Variants in DOCK5 observed in about 807,000 individuals in gnomAD.
DOCK5 encodes the protein dedicator of cytokinesis 5.
In DOCK5, 142 loss-of-function variants were observed where a neutral mutation model predicts 251.8. That is an observed-to-expected ratio of 0.56 (90% CI 0.49 to 0.65). The LOEUF (loss-of-function observed/expected upper bound fraction) is 0.65, where lower values mean the gene tolerates loss of function less well. DOCK5 is among the 30% of genes least tolerant of loss of function. The pLI, the probability that DOCK5 is intolerant of heterozygous loss-of-function variation, is 0.00. For missense variants in DOCK5, 2,111 were observed against 2,312.3 expected (o/e 0.91, Z 1.79); for synonymous variants, 842 against 835.5 (o/e 1.01, Z -0.13).
intron 40 of DOCK5, among the ~76,000 whole-genome samples, chr8:25,388,420 C>T (rs1343734849): frequency 1.3e-5 from 2 of 152,052 alleles, no homozygotes; most frequent in African/African-American, 2.4e-5. Flanking sequence ...TACTCCCATG[C>T]CTGGGGCCTA....
At chr8:25,268,773 G>C (rs1388360330) in intron 2 of DOCK5, 72 bp from the exon 3 acceptor site, 5 of 1,276,722 alleles carry the variant, frequency 3.9e-6, no homozygotes. Context: ...GAACATGAGA[G>C]TATATATTGC....
chr8:25,317,401 A>C (rs2117194475), intron 14 of DOCK5: 1 of 308,004 alleles, frequency 3.2e-6, no homozygotes, highest in South Asian at 6.1e-5. Context: ...CTTCCAATGC[A>C]GATGTTATTT....
intron 34 of DOCK5, among the ~76,000 whole-genome samples, chr8:25,370,074 A>C (rs2117282402): frequency 6.6e-6 from 1 of 152,342 alleles, no homozygotes; most frequent in Middle Eastern, 3.4e-3. Flanking sequence ...TTCTGTCTCC[A>C]GCCAGGTTGG....
At chr8:25,195,836 A>G (rs1801711743) in intron 1 of DOCK5, among the ~76,000 whole-genome samples, 1 of 152,220 alleles carries the variant, frequency 6.6e-6, no homozygotes, top group Non-Finnish European at 1.5e-5. Context: ...TGAGGACACG[A>G]ACTCTTTTTC....
chr8:25,227,777 T>G (rs1802568563), intron 1 of DOCK5, among the ~76,000 whole-genome samples: 1 of 152,244 alleles, frequency 6.6e-6, no homozygotes. Context: ...CTCATCTTTG[T>G]CAAGCAAACT....
At chr8:25,364,863 C>T in intron 30 of DOCK5, 159 bp downstream of exon 30, 2 of 538,660 alleles carry the variant, frequency 3.7e-6, no homozygotes, top group Non-Finnish European at 6.6e-6. Context: ...GTCACACTGT[C>T]CTCCAAACAC....
chr8:25,345,292 C>A, intron 25 of DOCK5, 183 bp from the exon 26 acceptor site: 1 of 543,532 alleles, frequency 1.8e-6, no homozygotes, highest in Non-Finnish European at 3.1e-6. Context: ...GCGCATTGAA[C>A]AAGGGTAAAG....
intron 5 of DOCK5, among the ~76,000 whole-genome samples, chr8:25,281,486 A>G (rs1804191921): frequency 6.7e-6 from 1 of 149,950 alleles, no homozygotes. Context: ...GGACTCATGT[A>G]TTTTGGCTGC....
intron 20 of DOCK5, among the ~76,000 whole-genome samples, chr8:25,333,472 A>G (rs903923068): frequency 5.9e-5 from 9 of 152,220 alleles, no homozygotes; most frequent in African/African-American, 2.2e-4. Context: ...AAAGAGAGAC[A>G]GTGGTTATGG....
At chr8:25,280,866 G>A (rs1266189750) in intron 5 of DOCK5, among the ~76,000 whole-genome samples, 1 of 152,082 alleles carries the variant, frequency 6.6e-6, no homozygotes, top group Non-Finnish European at 1.5e-5. Context: ...GATGTAACAA[G>A]GTTGATGGAT....
chr8:25,273,021 C>A (rs1441869397), intron 3 of DOCK5, among the ~76,000 whole-genome samples: 1 of 152,062 alleles, frequency 6.6e-6, no homozygotes. Flanking sequence ...TTCCCAACAT[C>A]CCAGTTTAGT....
chr8:25,336,052 C>A (rs1805796700), intron 21 of DOCK5, among the ~76,000 whole-genome samples, 187 bp from the exon 22 acceptor site: 1 of 152,188 alleles, frequency 6.6e-6, no homozygotes, highest in Non-Finnish European at 1.5e-5. Context: ...TAGTTCCAAA[C>A]CTAGATGGCA....
chr8:25,395,363 G>A (rs565824895), intron 44 of DOCK5, among the ~76,000 whole-genome samples, 180 bp from the exon 45 acceptor site: 10 of 152,228 alleles, frequency 6.6e-5, no homozygotes, highest in East Asian at 5.8e-4. Context: ...AATAGGCCAC[G>A]GACTGATACT....
chr8:25,248,701 G>A (rs1315960028), intron 2 of DOCK5, among the ~76,000 whole-genome samples: 1 of 152,104 alleles, frequency 6.6e-6, no homozygotes, highest in African/African-American at 2.4e-5. Context: ...ATTTCAGAAA[G>A]TATTGGCTCC....
rs570735009 is a variant in DOCK5, at chr8:25,400,946, A to G, written c.4806A>G (p.Glu1602=). 23 of 1,613,972 alleles carry G rather than the reference A, an allele frequency of 1.4e-5. No individual in the cohort carries two copies. In the South Asian group the frequency reaches 2.5e-4, roughly 18 times the overall value. The change falls in exon 47 of 52, where the codon GAA becomes GAG. Residue 1602 remains glutamate, a synonymous_variant. Coordinates refer to ENST00000276440, the MANE Select transcript of DOCK5 (RefSeq NM_024940.8). ...LIALQMPLLT[E]GIRIHGEKLT... is the part of the protein sequence containing the mutation. ...CTTTCCAGATGCCCCTGCTAACAGA[A>G]GGGATCCGCATCCATGGGGAGAAAC...
intron 28 of DOCK5, among the ~76,000 whole-genome samples, chr8:25,360,458 T>C (rs561181267): frequency 2.6e-5 from 4 of 152,160 alleles, no homozygotes; most frequent in Non-Finnish European, 5.9e-5. Flanking sequence ...AGCCCAAGGT[T>C]AGCCATGTGT....
intron 5 of DOCK5, among the ~76,000 whole-genome samples, chr8:25,280,310 G>A (rs1048540177): frequency 2.6e-5 from 4 of 152,190 alleles, no homozygotes; most frequent in African/African-American, 9.6e-5. Flanking sequence ...GTTCAGTCAT[G>A]TGTTGATTCA....
At chr8:25,226,175 T>TAAAATA (rs1252715104) in intron 1 of DOCK5, among the ~76,000 whole-genome samples, 2 of 151,608 alleles carry the variant, frequency 1.3e-5, no homozygotes, top group African/African-American at 2.4e-5. Flanking sequence ...AAGAAAAAAG[T>TAAAATA]AAAATAAAAT....
At chr8:25,303,122 G>A (rs1021681805) in intron 10 of DOCK5, among the ~76,000 whole-genome samples, 3 of 152,168 alleles carry the variant, frequency 2.0e-5, no homozygotes, top group Non-Finnish European at 2.9e-5. Flanking sequence ...GAGGAAAGGA[G>A]GAAGAAAGGT....
Sources: gnomAD v4.1 joint callset for allele counts (sites outside exome capture counted in the v4.1 genomes callset) on GRCh38, gnomAD v4.1.1 for gene constraint, MANE v1.5 for transcripts, NCBI Gene and HGNC (gene_info 2026-07-23, HGNC 2026-07-21) for gene names.